Variants in SEC24D observed in about 807,000 individuals in gnomAD.
SEC24D encodes the protein protein transport protein Sec24D.
In SEC24D, 69 loss-of-function variants were observed where a neutral mutation model predicts 116.9. The ratio of observed to expected loss-of-function variants is 0.59; its 90% CI spans 0.49 to 0.72. The LOEUF (loss-of-function observed/expected upper bound fraction) is 0.72, where lower values mean the gene tolerates loss of function less well. SEC24D is among the 30% of genes least tolerant of loss of function. The pLI is 0.00. For missense variants in SEC24D, 1,131 were observed against 1,264.1 expected (o/e 0.89, Z 1.60); for synonymous variants, 405 against 442.8 (o/e 0.91, Z 1.07).
intron 8 of SEC24D, among the ~76,000 whole-genome samples, chr4:118,776,558 T>C (rs1293733006): frequency 6.6e-6 from 1 of 152,222 alleles, no homozygotes; most frequent in Non-Finnish European, 1.5e-5. Context: ...AAAAATGGTC[T>C]GTTTGGATTG....
intron 8 of SEC24D, among the ~76,000 whole-genome samples, chr4:118,789,693 T>C (rs1049161895): frequency 6.6e-6 from 1 of 152,234 alleles, no homozygotes; most frequent in Non-Finnish European, 1.5e-5. Flanking sequence ...TAAGTGATTC[T>C]CCTGCCTCAG....
chr4:118,827,854 A>G (rs1730648906), intron 2 of SEC24D, among the ~76,000 whole-genome samples: 4 of 152,238 alleles, frequency 2.6e-5, no homozygotes, highest in African/African-American at 9.6e-5. Context: ...CAGCAAAGTA[A>G]CACTGACCAA....
chr4:118,810,122 GT>G (rs1560737121), intron 6 of SEC24D, among the ~76,000 whole-genome samples: 2,595 of 147,032 alleles, frequency 0.018, 112 homozygotes, highest in Admixed American at 0.068. Context: ...GTGTGTGTGT[GT>G]GTGTGTGTGT....
chr4:118,806,754 C>A (rs903267214), intron 6 of SEC24D, among the ~76,000 whole-genome samples: 2 of 152,104 alleles, frequency 1.3e-5, no homozygotes, highest in African/African-American at 4.8e-5. Flanking sequence ...GAGTCCGAGG[C>A]GGGAGGACCA....
At chr4:118,742,630 C>T (rs1416395074) in intron 15 of SEC24D, among the ~76,000 whole-genome samples, 1 of 151,826 alleles carries the variant, frequency 6.6e-6, no homozygotes, top group Non-Finnish European at 1.5e-5. Context: ...TTATCAAGTC[C>T]CTTAGTTTAT....
At chr4:118,816,088 ATTTTT>A (rs34404398) in intron 4 of SEC24D, among the ~76,000 whole-genome samples, 28 of 101,306 alleles carry the variant, frequency 2.8e-4, no homozygotes, top group Admixed American at 3.8e-4. Flanking sequence ...CGCCAAGTTC[ATTTTT>A]TTTTTTTTTT....
chr4:118,776,057 G>A (rs1728116225), intron 8 of SEC24D, among the ~76,000 whole-genome samples: 1 of 151,712 alleles, frequency 6.6e-6, no homozygotes, highest in South Asian at 2.1e-4. Context: ...ATATTTGAGT[G>A]GATGACAAGG....
chr4:118,787,945 T>C (rs1728725134), intron 8 of SEC24D, among the ~76,000 whole-genome samples: 1 of 152,158 alleles, frequency 6.6e-6, no homozygotes, highest in African/African-American at 2.4e-5. Context: ...CCTGAGTAGC[T>C]GGAACTACAG....
intron 13 of SEC24D, among the ~76,000 whole-genome samples, chr4:118,745,897 T>C (rs893201723): frequency 1.3e-5 from 2 of 152,104 alleles, no homozygotes; most frequent in Non-Finnish European, 2.9e-5. Context: ...CCTGAAGAGC[T>C]GAGCACAGTA....
intron 10 of SEC24D, among the ~76,000 whole-genome samples, chr4:118,763,828 G>A (rs137954444): frequency 2.6e-5 from 4 of 152,190 alleles, no homozygotes; most frequent in Non-Finnish European, 5.9e-5. Flanking sequence ...CTAAGAAGAC[G>A]GCAGACATAT....
chr4:118,816,620 A>C (rs1449688020), intron 4 of SEC24D: 2 of 252,480 alleles, frequency 7.9e-6, no homozygotes, highest in Non-Finnish European at 1.6e-5. Flanking sequence ...AATGAGTAAA[A>C]GACAGAAAAT....
chr4:118,723,365 A>G lies in SEC24D; in HGVS notation c.*150T>C. Reference sequence around the variant, plus strand: ...TAATTGGCTTTATACCTGAGCACCAAAGCTGAAGTTCTAAATGCCATCTCT... The same window carrying G: ...TAATTGGCTTTATACCTGAGCACCAGAGCTGAAGTTCTAAATGCCATCTCT... On this transcript the variant is annotated 3_prime_UTR_variant, in exon 23 of 23. Coordinates refer to ENST00000280551, the MANE Select transcript of SEC24D (RefSeq NM_014822.4). The G allele has an allele frequency of 1.4e-6, 1 of 723,782 alleles. No individual in the cohort carries two copies. The highest frequency in any genetic ancestry group is 2.2e-6 in the Non-Finnish European group (1 of 452,306). The allele number at this position is 723,782 out of a possible 1,614,324, so 44.8% of individuals were successfully genotyped here.
At chr4:118,824,840 G>T in intron 2 of SEC24D, 91 bp from the exon 3 acceptor site, 1 of 1,207,784 alleles carries the variant, frequency 8.3e-7, no homozygotes, top group Non-Finnish European at 1.1e-6. Flanking sequence ...ACTAGGTGGA[G>T]GAGGAGGGAA....
chr4:118,752,620 T>G (rs1379614259), intron 12 of SEC24D, 77 bp downstream of exon 12: 1 of 967,098 alleles, frequency 1.0e-6, no homozygotes, highest in African/African-American at 1.7e-5. Flanking sequence ...AAACAATGTA[T>G]GATTGAATCA....
In SEC24D at chr4:118,805,908, T is replaced by C. The variant is rs147813306; in HGVS notation, c.848A>G (p.Tyr283Cys). 20 of 1,597,522 alleles carry C rather than the reference T, an allele frequency of 1.3e-5. No individual in the cohort carries two copies. In the African/African-American group the frequency reaches 1.9e-4, roughly 15 times the overall value. Residue 283 changes from tyrosine to cysteine, a missense_variant, in exon 7 of 23, where the codon TAT becomes TGT. By Grantham distance (194) the Tyr-to-Cys change is radical. Coordinates refer to ENST00000280551, the MANE Select transcript of SEC24D (RefSeq NM_014822.4). ...NDRASRGGQV[Y>C]ATNTRGQIPP... ...GATCTGGCCTCTGGTGTTGGTGGCA[T>C]AAACTTGTCCTCCTCTGCTGGCTCT...
intron 22 of SEC24D, 72 bp from the exon 23 acceptor site, chr4:118,723,727 T>C (rs1725265344): frequency 1.3e-6 from 2 of 1,528,634 alleles, no homozygotes; most frequent in Middle Eastern, 1.7e-4. Context: ...CAATTTTGTC[T>C]ATTTCAATTT....
intron 2 of SEC24D, among the ~76,000 whole-genome samples, chr4:118,831,019 G>A (rs1416900594): frequency 6.6e-6 from 1 of 152,052 alleles, no homozygotes; most frequent in Non-Finnish European, 1.5e-5. Flanking sequence ...AAAGGAGGGA[G>A]AGGTTTTTTT....
At chr4:118,775,637 C>G (rs1408439766) in intron 8 of SEC24D, among the ~76,000 whole-genome samples, 1 of 152,080 alleles carries the variant, frequency 6.6e-6, no homozygotes, top group East Asian at 1.9e-4. Flanking sequence ...AGGTTTCAGA[C>G]AGACAGACAG....
chr4:118,767,403 C>A (rs578092682), intron 9 of SEC24D, among the ~76,000 whole-genome samples: 3 of 152,260 alleles, frequency 2.0e-5, no homozygotes, highest in African/African-American at 4.8e-5. Context: ...GATCTAATTA[C>A]CTGCAGGGAA....
Sources: gnomAD v4.1 joint callset for allele counts (sites outside exome capture counted in the v4.1 genomes callset) on GRCh38, gnomAD v4.1.1 for gene constraint, MANE v1.5 for transcripts, NCBI Gene and HGNC (gene_info 2026-07-23, HGNC 2026-07-21) for gene names.